Variants in NOTCH2 observed in about 807,000 individuals in gnomAD.
The protein encoded by NOTCH2 is notch receptor 2.
In NOTCH2, 29 loss-of-function variants were observed where a neutral mutation model predicts 235.8. That is an observed-to-expected ratio of 0.12 (90% CI 0.09 to 0.17). The LOEUF (loss-of-function observed/expected upper bound fraction) is 0.17, where lower values mean the gene tolerates loss of function less well. Among genes scored for constraint, NOTCH2 ranks in the 10% least tolerant of loss-of-function variants. The pLI is 1.00. For synonymous variants in NOTCH2, 1,086 were observed against 1,141.5 expected, an observed-to-expected ratio of 0.95 and a Z score of 0.98; for missense variants, 2,285 against 3,150.2, an observed-to-expected ratio of 0.73 and a Z score of 6.57.
chr1:119,975,678 C>A (rs1164093865), intron 5 of NOTCH2, among the ~76,000 whole-genome samples: 1 of 151,854 alleles, frequency 6.6e-6, no homozygotes, highest in Non-Finnish European at 1.5e-5. Context: ...ATGGACACAG[C>A]CTGTGGCAGT....
At chr1:119,997,366 A>G (rs1277398635) in intron 3 of NOTCH2, 34 bp from the exon 4 acceptor site, 1 of 1,604,050 alleles carries the variant, frequency 6.2e-7, no homozygotes, top group Non-Finnish European at 8.5e-7. Context: ...AGTACTGGCC[A>G]CAGAAATAGG....
At chr1:119,921,615 C>T in intron 29 of NOTCH2, 98 bp downstream of exon 29, 2 of 970,516 alleles carry the variant, frequency 2.1e-6, no homozygotes, top group Middle Eastern at 2.1e-4. Context: ...GACTATCACT[C>T]TTTACTCCCA....
At chr1:119,942,297 A>G (rs1650090888) in intron 17 of NOTCH2, among the ~76,000 whole-genome samples, 1 of 152,206 alleles carries the variant, frequency 6.6e-6, no homozygotes, top group Non-Finnish European at 1.5e-5. Flanking sequence ...CTTTATACTC[A>G]TAGTAAGGAA....
chr1:119,986,927 C>A, intron 5 of NOTCH2, 33 bp downstream of exon 5: 1 of 1,613,102 alleles, frequency 6.2e-7, no homozygotes, highest in South Asian at 1.1e-5. Flanking sequence ...CAATCCATAT[C>A]CCATTCTGGT....
intron 17 of NOTCH2, among the ~76,000 whole-genome samples, chr1:119,942,786 T>C (rs1650106192): frequency 6.6e-6 from 1 of 152,120 alleles, no homozygotes; most frequent in African/African-American, 2.4e-5. Flanking sequence ...AACAGCTTGA[T>C]CTCACTCCCT....
chr1:120,005,230 C>T (rs1652920466), intron 3 of NOTCH2, 99 bp downstream of exon 3: 1 of 1,320,004 alleles, frequency 7.6e-7, no homozygotes, highest in Non-Finnish European at 1.1e-6. Flanking sequence ...TGCACCAGAG[C>T]TGGGGGACAT....
chr1:119,953,695 G>A lies in NOTCH2; in HGVS notation c.2220-7C>T, dbSNP rs1553198099. The A allele has an allele frequency of 6.2e-6, 10 of 1,613,826 alleles. No individual in the cohort carries two copies. In the South Asian group the frequency reaches 1.1e-4, roughly 18 times the overall value. On this transcript the variant is annotated splice_polypyrimidine_tract_variant and splice_region_variant and intron_variant, in intron 13 of 33. Transcript: ENST00000256646. ...ATCACAGAGACACTTATATCTGAAA[G>A]AAGACAAAACTTTTTACTATAGGAG...
chr1:119,938,556 TCAGAAAGCA>T (rs1649947598), intron 19 of NOTCH2, among the ~76,000 whole-genome samples: 1 of 152,224 alleles, frequency 6.6e-6, no homozygotes, highest in Admixed American at 6.5e-5. Flanking sequence ...ACCACACAGC[TCAGAAAGCA>T]ACACTAACCA....
chr1:119,996,677 C>T (rs587624218), intron 4 of NOTCH2: 18 of 1,050,138 alleles, frequency 1.7e-5, no homozygotes, highest in African/African-American at 9.2e-5. Context: ...TAATTCTCAT[C>T]GTGTTCTTTT....
chr1:119,966,528 G>A (rs1553199696), intron 8 of NOTCH2, 39 bp from the exon 9 acceptor site: 1 of 1,431,424 alleles, frequency 7.0e-7, no homozygotes, highest in Non-Finnish European at 9.9e-7. Context: ...TAAAGAGAGA[G>A]AAAGGTGTAT....
chr1:119,971,793 A>G (rs1220549921), intron 5 of NOTCH2, among the ~76,000 whole-genome samples: 1 of 152,250 alleles, frequency 6.6e-6, no homozygotes, highest in Non-Finnish European at 1.5e-5. Context: ...TGTTGGTTCC[A>G]ATTGCTACTG....
At position 119,981,755 on chromosome 1, in the gene NOTCH2, G is replaced by T. The variant is rs587632864; in HGVS notation, c.874+5205C>A. 2.0e-5 allele frequency among the ~76,000 whole-genome samples: 3 copies of T among 152,268 alleles called. No individual in the cohort carries two copies. The East Asian group carries it at 5.8e-4, about 29-fold the overall frequency. ...CAACTGATAGGAAACCGAATTTGGG[G>T]TGAGGAGGTAGAATTCAGAAAACAG... is the stretch of plus-strand genomic sequence containing the variant. On this transcript the variant is annotated intron_variant, in intron 5 of 33. Coordinates refer to ENST00000256646, the MANE Select transcript of NOTCH2 (RefSeq NM_024408.4).
chr1:120,041,041 CAAAAAAA>C (rs71586698), intron 1 of NOTCH2, among the ~76,000 whole-genome samples: 3 of 15,666 alleles, frequency 1.9e-4, no homozygotes, highest in Non-Finnish European at 3.3e-4. Flanking sequence ...ACTCTGCCTG[CAAAAAAA>C]AAAAAAAAAA....
intron 22 of NOTCH2, among the ~76,000 whole-genome samples, chr1:119,933,284 A>C (rs1553195383): frequency 6.6e-6 from 1 of 152,202 alleles, no homozygotes; most frequent in Non-Finnish European, 1.5e-5. Context: ...GCTTAGAAAT[A>C]TGGTGACCAA....
In NOTCH2 at chr1:119,987,074, C is replaced by A. The variant is rs1553202314; in HGVS notation, c.760G>T (p.Gly254Trp). ...TCAATATTCCTCTCACAGGTGCTCC[C>A]TTCAAAACCTGGTAAATGAAGAACA... ...FECNCLPGFEGSTCERNIDDC... is the reference protein window; with the variant it reads ...FECNCLPGFEWSTCERNIDDC... Residue 254 changes from glycine to tryptophan, a missense_variant, in exon 5 of 34, where the codon GGG (glycine) becomes TGG (tryptophan). This residue lies in a region of NOTCH2 where 431 missense variants were observed against 757.8 expected (regional missense o/e 0.57). Transcript: ENST00000256646. 5 of 1,613,512 alleles carry A rather than the reference C, an allele frequency of 3.1e-6. No individual in the cohort carries two copies. The highest frequency in any genetic ancestry group is 4.2e-6 in the Non-Finnish European group (5 of 1,179,586).
intron 20 of NOTCH2, 92 bp from the exon 21 acceptor site, chr1:119,937,558 G>A: frequency 8.3e-7 from 1 of 1,205,094 alleles, no homozygotes; most frequent in Non-Finnish European, 1.2e-6. Flanking sequence ...TAAACTGGCT[G>A]ACACATCCAA....
rs1648992376 is a variant in NOTCH2, at chr1:119,914,392, T to C, written c.*914A>G. On this transcript the variant is annotated 3_prime_UTR_variant, in exon 34 of 34. Transcript: ENST00000256646. ...GGTTTTAAAAAAGTGGGGAGGGTCA[T>C]AGTAACTAGACTATCAAGGATAAAA... 1 of 233,108 alleles carries C rather than the reference T, an allele frequency of 4.3e-6. No homozygotes were observed. Among genetic ancestry groups the C allele is most frequent in the Non-Finnish European group, 8.5e-6 (1 of 118,012 alleles). 14.4% of individuals were successfully genotyped at this position (233,108 alleles called of 1,614,324 possible).
chr1:119,961,450 C>A (rs782046580), intron 11 of NOTCH2, among the ~76,000 whole-genome samples: 3 of 152,204 alleles, frequency 2.0e-5, no homozygotes, highest in Non-Finnish European at 4.4e-5. Context: ...ATGCCTGGAT[C>A]AAGCCAGGCC....
intron 14 of NOTCH2, 106 bp from the exon 15 acceptor site, chr1:119,950,943 A>G: frequency 1.3e-6 from 1 of 777,074 alleles, no homozygotes; most frequent in South Asian, 1.4e-5. Flanking sequence ...CAGAAATTGC[A>G]TTCATTTCTT....
Sources: allele counts gnomAD v4.1 joint callset (sites outside exome capture counted in the v4.1 genomes callset), GRCh38; gene constraint gnomAD v4.1.1; regional missense constraint gnomAD v4.1.1; transcripts MANE v1.5; gene names NCBI Gene and HGNC (gene_info 2026-07-23, HGNC 2026-07-21).